Variants in PCDH7 observed in about 807,000 individuals in gnomAD.
PCDH7 encodes the protein protocadherin-7.
A neutral mutation model predicts 58.9 loss-of-function variants in PCDH7; 17 were observed. The ratio of observed to expected loss-of-function variants is 0.29; its 90% CI spans 0.20 to 0.43. The LOEUF (loss-of-function observed/expected upper bound fraction) is 0.43, where lower values mean the gene tolerates loss of function less well. Ranked by LOEUF, PCDH7 falls within the 20% of genes least tolerant of loss-of-function variation. The probability of loss-of-function intolerance (pLI) is 1.00; values close to 1 mark genes in which losing one functional copy is unlikely to be tolerated. For synonymous variants in PCDH7, 664 were observed against 616.4 expected (o/e 1.08, Z -1.14); for missense variants, 1,274 against 1,441.0 (o/e 0.88, Z 1.88).
At chr4:31,047,420 T>G (rs1756376379) in intron 3 of PCDH7, among the ~76,000 whole-genome samples, 1 of 152,072 alleles carries the variant, frequency 6.6e-6, no homozygotes, top group Admixed American at 6.6e-5. Flanking sequence ...CATTGGGTCA[T>G]GTACAGCTGT....
chr4:30,865,526 C>A (rs775441093), intron 1 of PCDH7, among the ~76,000 whole-genome samples: 10 of 151,996 alleles, frequency 6.6e-5, no homozygotes, highest in South Asian at 2.1e-4. Flanking sequence ...ATTGTTCCAA[C>A]CATATTAAAT....
chr4:30,752,117 CT>C (rs1476478072), intron 1 of PCDH7, among the ~76,000 whole-genome samples: 1 of 152,102 alleles, frequency 6.6e-6, no homozygotes, highest in East Asian at 1.9e-4. Flanking sequence ...TTCTTTATTA[CT>C]TTTTTTCTTT....
At chr4:30,764,327 A>G (rs909211387) in intron 1 of PCDH7, among the ~76,000 whole-genome samples, 1 of 152,152 alleles carries the variant, frequency 6.6e-6, no homozygotes, top group Non-Finnish European at 1.5e-5. Flanking sequence ...TAACCACACA[A>G]ATGGTTAAAC....
At chr4:31,032,362 C>T (rs985236312) in intron 3 of PCDH7, among the ~76,000 whole-genome samples, 7 of 152,098 alleles carry the variant, frequency 4.6e-5, no homozygotes, top group African/African-American at 1.7e-4. Flanking sequence ...AATCCCAGCA[C>T]TTTGGGAGGC....
intron 1 of PCDH7, among the ~76,000 whole-genome samples, chr4:30,875,098 T>G (rs938175819): frequency 2.6e-5 from 4 of 152,082 alleles, no homozygotes; most frequent in African/African-American, 9.7e-5. Flanking sequence ...ACTACACACC[T>G]AAACAACATG....
chr4:31,086,590 A>G (rs1274085732), intron 3 of PCDH7, among the ~76,000 whole-genome samples: 1 of 152,208 alleles, frequency 6.6e-6, no homozygotes, highest in East Asian at 1.9e-4. Flanking sequence ...AAAGTAGTAT[A>G]GAGAAAATTC....
intron 3 of PCDH7, among the ~76,000 whole-genome samples, chr4:30,984,014 T>A (rs1201895305): frequency 6.6e-6 from 1 of 152,196 alleles, no homozygotes; most frequent in Non-Finnish European, 1.5e-5. Context: ...GACATTAGTA[T>A]CCCTAGTACT....
chr4:30,815,258 G>T (rs1465107576), intron 1 of PCDH7, among the ~76,000 whole-genome samples: 1 of 152,014 alleles, frequency 6.6e-6, no homozygotes, highest in Admixed American at 6.6e-5. Context: ...GCAACAACTG[G>T]ATTCTTGCCT....
At chr4:30,852,636 G>A (rs1004976441) in intron 1 of PCDH7, among the ~76,000 whole-genome samples, 1 of 151,886 alleles carries the variant, frequency 6.6e-6, no homozygotes, top group East Asian at 1.9e-4. Flanking sequence ...AATCCCTGAA[G>A]GAGGAAGGAC....
intron 3 of PCDH7, among the ~76,000 whole-genome samples, chr4:31,117,635 A>G (rs1717161346): frequency 6.6e-6 from 1 of 152,188 alleles, no homozygotes; most frequent in Admixed American, 6.5e-5. Flanking sequence ...TAAAACCATG[A>G]ATTTTCCAGT....
At chr4:30,781,024 T>A (rs1393069170) in intron 1 of PCDH7, among the ~76,000 whole-genome samples, 1 of 152,156 alleles carries the variant, frequency 6.6e-6, no homozygotes, top group Non-Finnish European at 1.5e-5. Context: ...AGTTTTACCA[T>A]TTCAAAAGAT....
intron 1 of PCDH7, among the ~76,000 whole-genome samples, chr4:30,806,350 G>A (rs979076842): frequency 1.3e-5 from 2 of 151,630 alleles, no homozygotes; most frequent in African/African-American, 4.9e-5. Flanking sequence ...TGTCACCCAG[G>A]CTGGAGTGCA....
chr4:30,763,695 T>C (rs1405458212), intron 1 of PCDH7, among the ~76,000 whole-genome samples: 3 of 152,204 alleles, frequency 2.0e-5, no homozygotes, highest in Non-Finnish European at 4.4e-5. Flanking sequence ...TTTTCATTAA[T>C]GATGAAATAG....
intron 3 of PCDH7, among the ~76,000 whole-genome samples, chr4:31,070,771 A>T (rs1758481665): frequency 6.6e-6 from 1 of 152,098 alleles, no homozygotes; most frequent in African/African-American, 2.4e-5. Context: ...ACATTATCAG[A>T]AGTCACTTTG....
At chr4:30,757,441 C>T (rs1719451282) in intron 1 of PCDH7, among the ~76,000 whole-genome samples, 1 of 152,206 alleles carries the variant, frequency 6.6e-6, no homozygotes, top group Non-Finnish European at 1.5e-5. Flanking sequence ...TCTGACTTTC[C>T]TCGCAGGCAC....
intron 3 of PCDH7, among the ~76,000 whole-genome samples, chr4:31,126,850 T>C (rs1718371579): frequency 6.6e-6 from 1 of 152,236 alleles, no homozygotes. Context: ...TGTAATTTTA[T>C]CTATTTGTTT....
chr4:31,132,936 A>G (rs1029704522), intron 3 of PCDH7, among the ~76,000 whole-genome samples: 15 of 152,192 alleles, frequency 9.9e-5, no homozygotes, highest in Non-Finnish European at 5.9e-5. Flanking sequence ...ATTTAAACAG[A>G]ATCTTGCAGA....
At chr4:30,859,590 C>T (rs1733930409) in intron 1 of PCDH7, among the ~76,000 whole-genome samples, 1 of 151,966 alleles carries the variant, frequency 6.6e-6, no homozygotes, top group Non-Finnish European at 1.5e-5. Flanking sequence ...CAGGCGCCCA[C>T]CACAACGCCC....
chr4:30,817,801 C>T (rs984487640), intron 1 of PCDH7, among the ~76,000 whole-genome samples: 10 of 152,132 alleles, frequency 6.6e-5, no homozygotes, highest in Non-Finnish European at 1.0e-4. Context: ...ATTGGTCTCC[C>T]TGCTTCCAAC....
Sources: allele counts gnomAD v4.1 joint callset (sites outside exome capture counted in the v4.1 genomes callset), GRCh38; gene constraint gnomAD v4.1.1; transcripts MANE v1.5; gene names NCBI Gene and HGNC (gene_info 2026-07-23, HGNC 2026-07-21).